ZHX2: variants seen among roughly 807,000 people sequenced by gnomAD.
ZHX2 encodes the protein zinc fingers and homeoboxes protein 2.
A neutral mutation model predicts 21.9 loss-of-function variants in ZHX2; 6 were observed. The ratio of observed to expected loss-of-function variants is 0.27; its 90% confidence interval spans 0.15 to 0.54. The LOEUF is 0.54. Ranked by LOEUF, ZHX2 falls within the 20% of genes least tolerant of loss-of-function variation. The pLI is 0.95. For missense variants in ZHX2, 908 were observed against 1,090.7 expected (o/e 0.83, Z 2.36); for synonymous variants, 434 against 437.1 (o/e 0.99, Z 0.09).
chr8:122,815,233 C>T (rs1026245161), intron 1 of ZHX2, among the ~76,000 whole-genome samples: 3 of 152,154 alleles, frequency 2.0e-5, no homozygotes, highest in East Asian at 1.9e-4. Flanking sequence ...TCGGCTTCTC[C>T]GTTAGGTACA....
intron 3 of ZHX2, among the ~76,000 whole-genome samples, chr8:122,960,655 C>T (rs529781604): frequency 4.1e-4 from 62 of 152,228 alleles, no homozygotes; most frequent in African/African-American, 1.4e-3. Flanking sequence ...ATATTCCAGA[C>T]AGAAGAAACA....
At chr8:122,806,116 T>C (rs2130589764) in intron 1 of ZHX2, among the ~76,000 whole-genome samples, 1 of 152,324 alleles carries the variant, frequency 6.6e-6, no homozygotes, top group South Asian at 2.1e-4. Context: ...TAATTGCCTT[T>C]TTACTTACCT....
intron 2 of ZHX2, among the ~76,000 whole-genome samples, chr8:122,947,567 C>T (rs545330981): frequency 6.6e-6 from 1 of 152,294 alleles, no homozygotes; most frequent in East Asian, 1.9e-4. Context: ...CTTTTAACCA[C>T]AAAACATCGA....
intron 2 of ZHX2, among the ~76,000 whole-genome samples, chr8:122,872,451 C>T (rs1011028923): frequency 1.3e-5 from 2 of 152,186 alleles, no homozygotes; most frequent in African/African-American, 4.8e-5. Flanking sequence ...CTTCCTTTGC[C>T]TCTTCCTCCA....
chr8:122,811,710 A>G (rs927293267), intron 1 of ZHX2, among the ~76,000 whole-genome samples: 3 of 152,232 alleles, frequency 2.0e-5, no homozygotes, highest in African/African-American at 7.2e-5. Flanking sequence ...AGGGGGGAAG[A>G]GAAGGAAGGT....
chr8:122,949,282 C>T (rs759438484), intron 2 of ZHX2, among the ~76,000 whole-genome samples: 8 of 151,818 alleles, frequency 5.3e-5, no homozygotes, highest in Non-Finnish European at 8.8e-5. Flanking sequence ...AAGACCGCGC[C>T]GTTATACTCC....
intron 2 of ZHX2, among the ~76,000 whole-genome samples, chr8:122,879,997 G>T (rs890867259): frequency 6.9e-6 from 1 of 145,644 alleles, no homozygotes; most frequent in Non-Finnish European, 1.5e-5. Flanking sequence ...TTTTTAGATG[G>T]AGCCTCGCTC....
chr8:122,927,867 A>C (rs894039543), intron 2 of ZHX2, among the ~76,000 whole-genome samples: 2 of 152,174 alleles, frequency 1.3e-5, no homozygotes, highest in African/African-American at 4.8e-5. Context: ...AACTCACAGG[A>C]ATCCAGAAAG....
chr8:122,951,423 A>T lies in ZHX2; in HGVS notation c.-88A>T. On this transcript the variant is annotated 5_prime_UTR_variant, in exon 3 of 4. Coordinates refer to ENST00000314393, the MANE Select transcript of ZHX2 (RefSeq NM_014943.5). Reference sequence around the variant, plus strand: ...AGCCATTTGAGGGGGAATAAAGCCAAAAGCCTTTCACCTTATTCGTTCCAA... The same window carrying T: ...AGCCATTTGAGGGGGAATAAAGCCATAAGCCTTTCACCTTATTCGTTCCAA... 8.1e-7 allele frequency: 1 copy of T among 1,233,326 alleles called. No homozygotes were observed. Among genetic ancestry groups the T allele is most frequent in the Non-Finnish European group, 1.1e-6 (1 of 897,160 alleles). The allele number at this position is 1,233,326 out of a possible 1,614,324, so 76.4% of individuals were successfully genotyped here.
At chr8:122,886,574 G>A (rs1427350230) in intron 2 of ZHX2, among the ~76,000 whole-genome samples, 1 of 151,986 alleles carries the variant, frequency 6.6e-6, no homozygotes, top group East Asian at 1.9e-4. Context: ...GAAGGGGAGA[G>A]GGATTATACG....
chr8:122,780,621 G>A (rs1386348598), upstream of ZHX2: 2 of 152,250 alleles, frequency 1.3e-5, no homozygotes, highest in Non-Finnish European at 2.9e-5. Context: ...CAAGTTCATG[G>A]TTCCGAGCCG....
intron 2 of ZHX2, among the ~76,000 whole-genome samples, chr8:122,914,429 A>C (rs1162396881): frequency 2.0e-5 from 3 of 152,212 alleles, no homozygotes; most frequent in African/African-American, 7.2e-5. Context: ...CGACTGACAA[A>C]GCACAAGGGC....
intron 2 of ZHX2, among the ~76,000 whole-genome samples, chr8:122,948,700 TA>T (rs1256683142): frequency 3.3e-5 from 5 of 152,218 alleles, no homozygotes; most frequent in Admixed American, 3.3e-4. Flanking sequence ...TTGTGTATGA[TA>T]AAGGAGGTTT....
chr8:122,823,039 C>T (rs1004723084), intron 1 of ZHX2, among the ~76,000 whole-genome samples: 5 of 152,192 alleles, frequency 3.3e-5, no homozygotes, highest in African/African-American at 1.2e-4. Context: ...CCTATGAGCT[C>T]CTTGGGGAGA....
intron 1 of ZHX2, among the ~76,000 whole-genome samples, chr8:122,803,118 G>C (rs1763919420): frequency 6.6e-6 from 1 of 152,108 alleles, no homozygotes; most frequent in Non-Finnish European, 1.5e-5. Context: ...TTCCTATTCT[G>C]AGCCTGGAAC....
chr8:122,856,372 G>GGT (rs1462894415), intron 1 of ZHX2, among the ~76,000 whole-genome samples: 1 of 152,106 alleles, frequency 6.6e-6, no homozygotes, highest in Non-Finnish European at 1.5e-5. Flanking sequence ...CTGGGAGACC[G>GGT]GTGTCCTCAG....
intron 2 of ZHX2, among the ~76,000 whole-genome samples, chr8:122,918,756 C>A (rs1283751719): frequency 4.6e-5 from 7 of 152,006 alleles, no homozygotes; most frequent in Non-Finnish European, 1.0e-4. Context: ...ACCATCCTGG[C>A]CAAAATGGTG....
At chr8:122,803,499 G>A (rs538976446) in intron 1 of ZHX2, among the ~76,000 whole-genome samples, 5 of 152,308 alleles carry the variant, frequency 3.3e-5, no homozygotes, top group African/African-American at 1.2e-4. Flanking sequence ...GTGAAGGGCT[G>A]TCCTGTGCAT....
Position 122,790,268 on chromosome 8 carries a change from T to C in ZHX2, c.-283+8322T>C, listed in dbSNP as rs187839237. Among the ~76,000 whole-genome samples, 3 of 152,312 alleles carry C rather than the reference T, an allele frequency of 2.0e-5. No homozygotes were observed. The East Asian group carries it at 5.8e-4, about 29-fold the overall frequency. On this transcript the variant is annotated intron_variant, in intron 1 of 3. Transcript: ENST00000314393. Reference sequence around the variant, plus strand: ...ACTGAGGCCCGGAAAGGTAAGATAATTGGCCCAAGGTTATACAGTCCTATG... The same window carrying C: ...ACTGAGGCCCGGAAAGGTAAGATAACTGGCCCAAGGTTATACAGTCCTATG...
Sources: gnomAD v4.1 joint callset for allele counts (sites outside exome capture counted in the v4.1 genomes callset) on GRCh38, gnomAD v4.1.1 for gene constraint, MANE v1.5 for transcripts, NCBI Gene and HGNC (gene_info 2026-07-23, HGNC 2026-07-21) for gene names.